The following SP7 variants were observed in gnomAD, a reference collection of about 807,000 sequenced individuals.
The protein encoded by SP7 is Sp7 transcription factor, also known as transcription factor Sp7.
Under a neutral mutation model 27.9 loss-of-function variants are expected in SP7, and 13 were observed. The ratio of observed to expected loss-of-function variants is 0.47; its 90% confidence interval spans 0.30 to 0.74. The LOEUF (loss-of-function observed/expected upper bound fraction) is 0.74, where lower values mean the gene tolerates loss of function less well. Ranked by LOEUF, SP7 falls within the 30% of genes least tolerant of loss-of-function variation. SP7 has a pLI of 0.06. For missense variants in SP7, 525 were observed against 558.0 expected, an observed-to-expected ratio of 0.94 and a Z score of 0.60; for synonymous variants, 219 against 226.7, an observed-to-expected ratio of 0.97 and a Z score of 0.31.
rs749571386 is a variant in SP7, at chr12:53,328,666, C to T, written c.776G>A (p.Gly259Glu). 3.1e-6 allele frequency: 5 copies of T among 1,609,236 alleles called. No individual in the cohort carries two copies. In the East Asian group the frequency reaches 1.1e-4, roughly 36 times the overall value. Residue 259 changes from glycine (G) to glutamate (E), a missense_variant, in exon 3 of 3, where the codon GGA becomes GAA. Physicochemically the swap from Gly to Glu is moderately conservative, Grantham distance 98. Transcript: ENST00000536324. This position sits in a 1 kb window ranked among gnomAD's most constrained non-coding sequence, Gnocchi z 5.1. Reference protein sequence around the residue: ...PRGASTGGSGGYGGSGAGRSS... With the variant: ...PRGASTGGSGEYGGSGAGRSS... ...GCGCCCTGCCCCACTGCCCCCATATCCACCACTACCCCCAGTGCTTGCACC... is the reference window on the plus strand; with the variant it reads ...GCGCCCTGCCCCACTGCCCCCATATTCACCACTACCCCCAGTGCTTGCACC...
At position 53,326,621 on chromosome 12, in the gene SP7, C is replaced by G. The variant is rs999752264; in HGVS notation, c.*1525G>C. The G allele has an allele frequency of 6.6e-6, 1 of 152,168 alleles. No individual in the cohort carries two copies. Among genetic ancestry groups the G allele is most frequent in the Non-Finnish European group, 1.5e-5 (1 of 68,022 alleles). The allele number at this position is 152,168 out of a possible 1,614,324, so 9.4% of individuals were successfully genotyped here. A position where few individuals can be genotyped will look rare whatever the true frequency, so the allele number is the denominator to read the frequency against. ...ATTAAATTAAAAAAAAAAGACTCCA[C>G]AAAGGGCATGATCCCTTCCATTCCA... is the stretch of plus-strand genomic sequence containing the variant. On this transcript the variant is annotated 3_prime_UTR_variant, in exon 3 of 3. Coordinates refer to ENST00000536324, the MANE Select transcript of SP7 (RefSeq NM_001173467.3).
chr12:53,331,783 T>C (rs1423981697), intron 2 of SP7, among the ~76,000 whole-genome samples: 1 of 152,184 alleles, frequency 6.6e-6, no homozygotes, highest in African/African-American at 2.4e-5. Context: ...ATGGGCCTGA[T>C]CCTTTCCCAG....
chr12:53,331,137 G>A (rs1054025003), intron 2 of SP7, among the ~76,000 whole-genome samples: 35 of 152,154 alleles, frequency 2.3e-4, no homozygotes, highest in Admixed American at 2.0e-4. Flanking sequence ...GTGAATGAAG[G>A]AAGACATGGA....
At chr12:53,342,070 A>C (rs1448310596) in intron 1 of SP7, among the ~76,000 whole-genome samples, 2 of 127,734 alleles carry the variant, frequency 1.6e-5, no homozygotes, top group Non-Finnish European at 3.4e-5. Context: ...AAAAAAAAAC[A>C]AAAAACAAAC....
At chr12:53,343,307 T>C (rs1465238000) in intron 1 of SP7, among the ~76,000 whole-genome samples, 2 of 151,686 alleles carry the variant, frequency 1.3e-5, no homozygotes, top group African/African-American at 4.8e-5. Flanking sequence ...CAACACAGAG[T>C]GGAGGCTGAT....
rs1456318251 is a variant in SP7, at chr12:53,328,407, C to G, written c.1035G>C (p.Val345=). Residue 345 remains valine, a synonymous_variant, in exon 3 of 3, where the codon GTG becomes GTC. Transcript: ENST00000536324. This position sits in a 1 kb window ranked among gnomAD's most constrained non-coding sequence, Gnocchi z 5.1. ...ACTTCTTCTCCCGGGTGTGAGTGCGCACATGACGCTCCAGCTCATCCGAAC... is the reference window on the plus strand; with the variant it reads ...ACTTCTTCTCCCGGGTGTGAGTGCGGACATGACGCTCCAGCTCATCCGAAC... ...FTRSDELERH[V]RTHTREKKFT... The G allele has an allele frequency of 6.2e-7, 1 of 1,613,826 alleles. No individual in the cohort carries two copies. Among genetic ancestry groups the G allele is most frequent in the African/African-American group, 1.3e-5 (1 of 74,924 alleles).
rs768993148 is a variant in SP7 at position 53,327,082 on chromosome 12, G to A, written c.*1064C>T. The A allele has an allele frequency of 5.2e-5, 8 of 152,600 alleles. No individual in the cohort carries two copies. The highest frequency in any genetic ancestry group is 1.7e-4 in the African/African-American group (7 of 41,450). 9.5% of individuals were successfully genotyped at this position (152,600 alleles called of 1,614,324 possible). On this transcript the variant is annotated 3_prime_UTR_variant, in exon 3 of 3. Transcript: ENST00000536324. The stretch of plus-strand genomic sequence containing the variant: ...GCTCTCCATAACCATGGCAACAGGG[G>A]ATTAACCTGATGGGGTCATGGTGTC...
chr12:53,327,131 C>A lies in SP7; in HGVS notation c.*1015G>T, dbSNP rs1444462470. 6.6e-6 allele frequency: 1 copy of A among 152,616 alleles called. No homozygotes were observed. The highest frequency in any genetic ancestry group is 1.5e-5 in the Non-Finnish European group (1 of 68,054). 9.5% of individuals were successfully genotyped at this position (152,616 alleles called of 1,614,324 possible). On this transcript the variant is annotated 3_prime_UTR_variant, in exon 3 of 3. Coordinates refer to ENST00000536324, the MANE Select transcript of SP7 (RefSeq NM_001173467.3). ...TCTAAGGGGTGGGGCAGTGGAGGAA[C>A]CTGCTCTGCAGTCAAGGGAGATGGG...
Position 53,329,354 on chromosome 12 carries a change from A to G in SP7, c.88T>C (p.Ser30Pro). 6.2e-7 allele frequency: 1 copy of G among 1,613,978 alleles called. No homozygotes were observed. The highest frequency in any genetic ancestry group is 1.1e-5 in the South Asian group (1 of 91,078). Residue 30 changes from serine to proline, a missense_variant, in exon 3 of 3, where the codon TCT (serine) becomes CCT (proline). By Grantham distance (74) the Ser-to-Pro change is moderately conservative. Coordinates refer to ENST00000536324, the MANE Select transcript of SP7 (RefSeq NM_001173467.3). ...LTAACSKFGG[S>P]SPLRDSTTLG... ...GTTGTTGAGTCCCGCAGAGGGCTAG[A>G]GCCACCAAATTTGCTGCACGCTGCC...
upstream of SP7, among the ~76,000 whole-genome samples, chr12:53,336,647 C>T (rs1294336746): frequency 6.6e-6 from 1 of 152,068 alleles, no homozygotes; most frequent in Non-Finnish European, 1.5e-5. Context: ...CGCACCACAC[C>T]CGCCCCAGCT....
In SP7 at chr12:53,328,938, T is replaced by G; in HGVS notation, c.504A>C (p.Leu168=). The G allele has an allele frequency of 6.2e-7, 1 of 1,611,580 alleles. No homozygotes were observed. The highest frequency in any genetic ancestry group is 8.5e-7 in the Non-Finnish European group (1 of 1,178,790). ...WWDMHPGGNW[L]GGGQGQGDGL... ...CATCACCCTGGCCCTGCCCACCACC[T>G]AGCCAGTTGCCTCCAGGGTGCATAT... The change falls in exon 3 of 3, where the codon CTA becomes CTC. Residue 168 remains leucine, a synonymous_variant. Transcript: ENST00000536324. The surrounding 1 kb of genome is among the most constrained non-coding windows in gnomAD (Gnocchi z 5.1).
intron 1 of SP7, among the ~76,000 whole-genome samples, chr12:53,341,681 C>T (rs1206762119): frequency 2.6e-5 from 4 of 152,162 alleles, no homozygotes; most frequent in African/African-American, 9.6e-5. Flanking sequence ...AGGTGGCTCA[C>T]ACCTGTAATC....
rs1349725239 is a variant in SP7, at chr12:53,335,571, G to A, written c.21+55C>T. 18 of 916,166 alleles carry A rather than the reference G, an allele frequency of 2.0e-5. No individual in the cohort carries two copies. In the Admixed American group the frequency reaches 2.6e-4, roughly 13 times the overall value. The allele number at this position is 916,166 out of a possible 1,614,324, so 56.8% of individuals were successfully genotyped here. On this transcript the variant is annotated intron_variant, in intron 2 of 2. Transcript: ENST00000536324. ...GAGTTGGAGGAGGTGGGTGGGCAAGGACTAGGACCATTAAGGTTGTGGCTG... is the reference window on the plus strand; with the variant it reads ...GAGTTGGAGGAGGTGGGTGGGCAAGAACTAGGACCATTAAGGTTGTGGCTG...
Position 53,335,708 on chromosome 12 carries a change from GGGGGGGGTA to G in SP7, c.-47-24_-47-16del. 15 of 1,336,654 alleles carry G rather than the reference GGGGGGGGTA, an allele frequency of 1.1e-5. No individual in the cohort carries two copies. Among genetic ancestry groups the G allele is most frequent in the African/African-American group, 1.6e-5 (1 of 62,280 alleles). The allele number at this position is 1,336,654 out of a possible 1,614,324, so 82.8% of individuals were successfully genotyped here. On this transcript the variant is annotated splice_polypyrimidine_tract_variant and intron_variant, in intron 1 of 2. Coordinates refer to ENST00000536324, the MANE Select transcript of SP7 (RefSeq NM_001173467.3). ...GATGGAGAGAGCTGAGCCGGGGGGT[GGGGGGGGTA>G]GAGAGAGAAAAGGGAGAGGGAGGGA...
At chr12:53,332,920 G>A (rs191256440) in intron 2 of SP7, among the ~76,000 whole-genome samples, 126 of 152,144 alleles carry the variant, frequency 8.3e-4, no homozygotes, top group East Asian at 3.3e-3. Flanking sequence ...TAAAAACGCC[G>A]ACGCCGTCCC....
At chr12:53,331,653 G>T (rs1483394870) in intron 2 of SP7, among the ~76,000 whole-genome samples, 1 of 152,030 alleles carries the variant, frequency 6.6e-6, no homozygotes, top group African/African-American at 2.4e-5. Context: ...GGCATAGACG[G>T]TCATTCATTG....
chr12:53,334,373 C>CACACACACACACAT (rs1290039893), intron 2 of SP7, among the ~76,000 whole-genome samples: 14 of 151,226 alleles, frequency 9.3e-5, no homozygotes, highest in African/African-American at 3.2e-4. Context: ...CACACACACA[C>CACACACACACACAT]ACTCTCAGGG....
rs1944846687 is a variant in SP7 at position 53,344,482 on chromosome 12, A to G, written c.-34+632T>C. ...CCACTTTCCACCGCCTCAGTTAATG[A>G]AGGTCCTTGGGACTCAGCTACCAAC... On this transcript the variant is annotated intron_variant, in intron 1 of 1. Transcript: ENST00000547755. The surrounding 1 kb of genome is among the most constrained non-coding windows in gnomAD (Gnocchi z 4.6). Among the ~76,000 whole-genome samples, 1 of 152,102 alleles carries G rather than the reference A, an allele frequency of 6.6e-6. No homozygotes were observed. The highest frequency in any genetic ancestry group is 1.5e-5 in the Non-Finnish European group (1 of 68,020).
At position 53,328,194 on chromosome 12, in the gene SP7, C is replaced by A; in HGVS notation, c.1248G>T (p.Glu416Asp). The A allele has an allele frequency of 6.2e-7, 1 of 1,613,224 alleles. No homozygotes were observed. The highest frequency in any genetic ancestry group is 8.5e-7 in the Non-Finnish European group (1 of 1,179,702). Reference sequence around the variant, plus strand: ...GCTCAGGGCTGCCTCCAGGGGCTTTCTCTGGGGTTGCTGGCGAGGCAGAAG... The same window carrying A: ...GCTCAGGGCTGCCTCCAGGGGCTTTATCTGGGGTTGCTGGCGAGGCAGAAG... The part of the protein sequence containing the change: ...PRPSASPATP[E>D]KAPGGSPEQS... Residue 416 changes from glutamate (E) to aspartate (D), a missense_variant, in exon 3 of 3, where the codon GAG (glutamate) becomes GAT (aspartate). By Grantham distance (45) the Glu-to-Asp change is conservative. Transcript: ENST00000536324. The surrounding 1 kb of genome is among the most constrained non-coding windows in gnomAD (Gnocchi z 5.1).
Sources: gnomAD v4.1 joint callset for allele counts (sites outside exome capture counted in the v4.1 genomes callset) on GRCh38, gnomAD v4.1.1 for gene constraint, Gnocchi (gnomAD v3.1) non-coding constraint, MANE v1.5 for transcripts, NCBI Gene and HGNC (gene_info 2026-07-23, HGNC 2026-07-21) for gene names.